PARD3B: variants seen among roughly 807,000 people sequenced by gnomAD.
The protein encoded by PARD3B is par-3 family cell polarity regulator beta, also known as partitioning defective 3 homolog B.
A neutral mutation model predicts 130.2 loss-of-function variants in PARD3B; 103 were observed. The ratio of observed to expected loss-of-function variants is 0.79; its 90% CI spans 0.67 to 0.93. The LOEUF is 0.93. PARD3B is among the 40% of genes least tolerant of loss of function. The probability of loss-of-function intolerance (pLI) is 0.00; values close to 1 mark genes in which losing one functional copy is unlikely to be tolerated. For missense variants in PARD3B, 1,609 were observed against 1,499.2 expected (o/e 1.07, Z -1.21); for synonymous variants, 583 against 553.2 (o/e 1.05, Z -0.76).
At chr2:205,323,354 T>C (rs1006434495) in intron 18 of PARD3B, among the ~76,000 whole-genome samples, 1 of 152,216 alleles carries the variant, frequency 6.6e-6, no homozygotes, top group African/African-American at 2.4e-5. Context: ...ACAAACCTTA[T>C]GTTTCCATGT....
At chr2:204,882,717 C>T (rs1270943598) in intron 2 of PARD3B, among the ~76,000 whole-genome samples, 14 of 152,162 alleles carry the variant, frequency 9.2e-5, no homozygotes, top group Admixed American at 9.2e-4. Context: ...CAGGGCATCA[C>T]CTGCAAGCTT....
chr2:205,381,691 G>A (rs576981670), intron 18 of PARD3B, among the ~76,000 whole-genome samples: 8 of 152,008 alleles, frequency 5.3e-5, no homozygotes, highest in Admixed American at 1.3e-4. Flanking sequence ...CAATAAAAGC[G>A]AACGGAGAGT....
In PARD3B at chr2:205,310,178, G is replaced by A. The variant is rs564419947; in HGVS notation, c.2630+8477G>A. Among the ~76,000 whole-genome samples, 20 of 148,992 alleles carry A rather than the reference G, an allele frequency of 1.3e-4. No individual in the cohort carries two copies. In the South Asian group the frequency reaches 4.2e-3, roughly 32 times the overall value. The stretch of plus-strand genomic sequence containing the variant: ...TGGCTCATTGCAAGCTCCGCCTCCT[G>A]GGTTCACGCCATTCTCCTACCTCAG... On this transcript the variant is annotated intron_variant, in intron 18 of 22. Coordinates refer to ENST00000406610, the MANE Select transcript of PARD3B (RefSeq NM_001302769.2).
intron 4 of PARD3B, among the ~76,000 whole-genome samples, chr2:205,051,196 G>C (rs867423962): frequency 6.6e-6 from 1 of 152,126 alleles, no homozygotes; most frequent in Non-Finnish European, 1.5e-5. Flanking sequence ...CTTGGATTTT[G>C]TACTTGGCGC....
chr2:204,912,295 T>TC (rs753151305), intron 2 of PARD3B, among the ~76,000 whole-genome samples: 46 of 152,324 alleles, frequency 3.0e-4, no homozygotes, highest in Non-Finnish European at 5.3e-4. Flanking sequence ...GGGGTAAAAT[T>TC]ACTGAAGACT....
Position 204,907,362 on chromosome 2 carries a change from T to C in PARD3B, c.223-57790T>C, listed in dbSNP as rs1431065815. Among the ~76,000 whole-genome samples, 1 of 152,226 alleles carries C rather than the reference T, an allele frequency of 6.6e-6. No homozygotes were observed. The highest frequency in any genetic ancestry group is 1.5e-5 in the Non-Finnish European group (1 of 68,034). ...GGGCCATGCTTCTAGGTCTTGTCTT[T>C]GAAAGTTGTAAATTTTAGTACACCT... On this transcript the variant is annotated intron_variant, in intron 2 of 22. Coordinates refer to ENST00000406610, the MANE Select transcript of PARD3B (RefSeq NM_001302769.2). The surrounding 1 kb of genome is among the most constrained non-coding windows in gnomAD (Gnocchi z 5.7).
At chr2:205,104,357 G>C (rs2125575449) in intron 4 of PARD3B, 69 bp from the exon 5 acceptor site, 1 of 1,145,758 alleles carries the variant, frequency 8.7e-7, no homozygotes. Context: ...TCCCATATTG[G>C]GATATTTTAT....
intron 2 of PARD3B, among the ~76,000 whole-genome samples, chr2:204,747,241 TC>T (rs1294709420): frequency 5.3e-5 from 8 of 152,182 alleles, no homozygotes; most frequent in African/African-American, 1.9e-4. Flanking sequence ...GGGAATCCTT[TC>T]CCCATTTCTT....
chr2:205,353,431 C>T (rs2044065524), intron 18 of PARD3B, among the ~76,000 whole-genome samples: 1 of 152,166 alleles, frequency 6.6e-6, no homozygotes, highest in South Asian at 2.1e-4. Context: ...CTAGGCCTTA[C>T]TCATCATAGT....
intron 4 of PARD3B, among the ~76,000 whole-genome samples, chr2:205,086,289 C>G (rs1701737942): frequency 6.6e-6 from 1 of 152,134 alleles, no homozygotes; most frequent in Non-Finnish European, 1.5e-5. Flanking sequence ...TATTGAAGTG[C>G]ACCTCTTTGG....
rs1038939597 is a variant in PARD3B, at chr2:204,890,543, T to C, written c.223-74609T>C. On this transcript the variant is annotated intron_variant, in intron 2 of 22. Transcript: ENST00000406610. This position sits in a 1 kb window ranked among gnomAD's most constrained non-coding sequence, Gnocchi z 4.9. Reference sequence around the variant, plus strand: ...ACAGTATGTTAATGGATTTTCCTTGTTTTGGGTACCATCATTGATTTCCAC... The same window carrying C: ...ACAGTATGTTAATGGATTTTCCTTGCTTTGGGTACCATCATTGATTTCCAC... Among the ~76,000 whole-genome samples the C allele has an allele frequency of 6.6e-6, 1 of 152,190 alleles. No homozygotes were observed. The highest frequency in any genetic ancestry group is 1.5e-5 in the Non-Finnish European group (1 of 68,040).
chr2:204,563,217 G>GTCTCTCTCTCTCTCTCTCTCTCTC (rs35536964), intron 1 of PARD3B, among the ~76,000 whole-genome samples: 6 of 86,636 alleles, frequency 6.9e-5, no homozygotes, highest in East Asian at 3.8e-4. Context: ...TCTTCCCGCT[G>GTCTCTCTCTCTCTCTCTCTCTCTC]TCTCTCTCTC....
At position 205,584,484 on chromosome 2, in the gene PARD3B, G is replaced by T. The variant is rs1007642253; in HGVS notation, c.3261-30972G>T. Among the ~76,000 whole-genome samples the T allele has an allele frequency of 1.3e-4, 19 of 151,956 alleles. No homozygotes were observed. Among genetic ancestry groups the T allele is most frequent in the Admixed American group, 4.6e-4 (7 of 15,254 alleles). On this transcript the variant is annotated intron_variant, in intron 22 of 22. Transcript: ENST00000406610. This position sits in a 1 kb window ranked among gnomAD's most constrained non-coding sequence, Gnocchi z 5.5. ...CCTGACGTCAGGAGTTCGAGACCAG[G>T]CTGGCCAACATAGCGAAACCCCATC...
intron 15 of PARD3B, among the ~76,000 whole-genome samples, chr2:205,212,313 T>G (rs1347699528): frequency 1.3e-5 from 2 of 152,136 alleles, no homozygotes; most frequent in African/African-American, 4.8e-5. Context: ...CATTAGTGCA[T>G]GTTTTGTACG....
intron 1 of PARD3B, among the ~76,000 whole-genome samples, chr2:204,624,700 G>A (rs548947080): frequency 2.6e-5 from 4 of 152,204 alleles, no homozygotes; most frequent in African/African-American, 4.8e-5. Flanking sequence ...TCACAGATAG[G>A]TTTTGTGTGG....
At chr2:204,662,915 T>G (rs1198683526) in intron 1 of PARD3B, among the ~76,000 whole-genome samples, 1 of 152,108 alleles carries the variant, frequency 6.6e-6, no homozygotes, top group Non-Finnish European at 1.5e-5. Flanking sequence ...TGGACCAACT[T>G]TAAAAACTGC....
chr2:204,694,946 G>A (rs1559066298), intron 2 of PARD3B, among the ~76,000 whole-genome samples: 1 of 151,962 alleles, frequency 6.6e-6, no homozygotes, highest in Non-Finnish European at 1.5e-5. Flanking sequence ...CAAGCTCTAT[G>A]GTATTATTAA....
chr2:205,259,022 T>C lies in PARD3B; in HGVS notation c.2185+13200T>C, dbSNP rs538587759. Among the ~76,000 whole-genome samples the C allele has an allele frequency of 1.2e-4, 18 of 152,258 alleles. No individual in the cohort carries two copies. In the East Asian group the frequency reaches 3.3e-3, roughly 28 times the overall value. On this transcript the variant is annotated intron_variant, in intron 16 of 22. Transcript: ENST00000406610. Reference sequence around the variant, plus strand: ...CTAAAATTAGTCTGTATCTAATCCTTCTCCCAAACAATACAAGGAACTGAG... The same window carrying C: ...CTAAAATTAGTCTGTATCTAATCCTCCTCCCAAACAATACAAGGAACTGAG...
At position 204,726,683 on chromosome 2, in the gene PARD3B, G is replaced by A. The variant is rs139305353; in HGVS notation, c.222+40401G>A. Among the ~76,000 whole-genome samples the A allele has an allele frequency of 2.0e-5, 3 of 152,240 alleles. No homozygotes were observed. The East Asian group carries it at 5.8e-4, about 29-fold the overall frequency. ...ACAAAATGTATTAATTTCTGCACTG[G>A]AGACTTGGGATTGCTTCTCCTACCC... On this transcript the variant is annotated intron_variant, in intron 2 of 22. Transcript: ENST00000406610.
Sources: allele counts gnomAD v4.1 joint callset (sites outside exome capture counted in the v4.1 genomes callset), GRCh38; gene constraint gnomAD v4.1.1; non-coding constraint Gnocchi (gnomAD v3.1); transcripts MANE v1.5; gene names NCBI Gene and HGNC (gene_info 2026-07-23, HGNC 2026-07-21).